The following IQGAP3 variants were observed in gnomAD, a reference collection of about 807,000 sequenced individuals.
The protein encoded by IQGAP3 is ras GTPase-activating-like protein IQGAP3.
A neutral mutation model predicts 208.2 loss-of-function variants in IQGAP3; 165 were observed. That is an observed-to-expected ratio of 0.79 (90% confidence interval 0.70 to 0.90). The LOEUF is 0.90. Among genes scored for constraint, IQGAP3 ranks in the 40% least tolerant of loss-of-function variants. IQGAP3 has a pLI of 0.00. For missense variants in IQGAP3, 1,811 were observed against 2,043.1 expected (o/e 0.89, Z 2.19); for synonymous variants, 703 against 803.6 (o/e 0.87, Z 2.12).
chr1:156,547,380 G>GACAC (rs1170677463), intron 19 of IQGAP3, among the ~76,000 whole-genome samples: 3 of 83,570 alleles, frequency 3.6e-5, no homozygotes, highest in Non-Finnish European at 7.1e-5. Context: ...CACAGACACA[G>GACAC]ACACACAGAC....
chr1:156,534,766 C>A, intron 28 of IQGAP3, 33 bp from the exon 29 acceptor site: 1 of 1,431,556 alleles, frequency 7.0e-7, no homozygotes, highest in Non-Finnish European at 9.3e-7. Flanking sequence ...CAGAAGTGTC[C>A]AGGGGCCGCC....
At chr1:156,538,695 C>T in intron 26 of IQGAP3, 114 bp downstream of exon 26, 1 of 793,386 alleles carries the variant, frequency 1.3e-6, no homozygotes, top group Non-Finnish European at 2.1e-6. Context: ...GATCAGCATG[C>T]CCATTTATAT....
At chr1:156,563,373 C>G in intron 7 of IQGAP3, 61 bp from the exon 8 acceptor site, 4 of 1,500,638 alleles carry the variant, frequency 2.7e-6, no homozygotes, top group Non-Finnish European at 3.6e-6. Context: ...TGGAGCGCAA[C>G]CAGTAGCAGC....
In IQGAP3 at chr1:156,544,454, T is replaced by C. The variant is rs564840911; in HGVS notation, c.2323A>G (p.Arg775Gly). The change falls in exon 20 of 38, where the codon AGG becomes GGG. Residue 775 changes from arginine (R) to glycine (G), a missense_variant. Physicochemically the swap from Arg to Gly is moderately radical, Grantham distance 125 (BLOSUM62 -2). Transcript: ENST00000361170. ...IKIQAHWRGYRQRKIYLEWLQ... is the reference protein window; with the variant it reads ...IKIQAHWRGYGQRKIYLEWLQ... ...CACTCCAGGTAAATCTTCCGCTGCC[T>C]ATAACCCCGCCAATGAGCCTGCACA... 4.1e-5 allele frequency: 66 copies of C among 1,614,018 alleles called. No homozygotes were observed. In the South Asian group the frequency reaches 4.8e-4, roughly 12 times the overall value.
At chr1:156,538,317 C>T (rs774255433) in intron 26 of IQGAP3, among the ~76,000 whole-genome samples, 96 of 152,356 alleles carry the variant, frequency 6.3e-4, no homozygotes, top group Non-Finnish European at 1.2e-3. Flanking sequence ...GCCTCGGTCT[C>T]CCAAAGTGCT....
chr1:156,563,716 C>T (rs1317735378), intron 6 of IQGAP3, 41 bp downstream of exon 6: 7 of 1,610,158 alleles, frequency 4.3e-6, no homozygotes, highest in Non-Finnish European at 5.9e-6. Flanking sequence ...CCCCCAAGAC[C>T]CTGCCCAGGC....
intron 3 of IQGAP3, 68 bp from the exon 4 acceptor site, chr1:156,566,172 C>T: frequency 1.4e-6 from 2 of 1,443,844 alleles, no homozygotes; most frequent in Admixed American, 1.7e-5. Flanking sequence ...AAAGCCCAGA[C>T]TACAGCTTAA....
Position 156,526,514 on chromosome 1 carries a change from A to C in IQGAP3, c.4868T>G (p.Leu1623Arg). Reference protein sequence around the residue: ...AKVNVNLLIFLLNKKFLRK With the variant: ...AKVNVNLLIFRLNKKFLRK ...CTTCCGCAAAAACTTCTTGTTGAGG[A>C]GGAAGATGAGAAGGTTGACATTGAC... The change falls in exon 38 of 38, where the codon CTC (leucine) becomes CGC (arginine). Residue 1623 changes from leucine to arginine, a missense_variant. Leu to Arg is a moderately radical substitution (Grantham distance 102). Coordinates refer to ENST00000361170, the MANE Select transcript of IQGAP3 (RefSeq NM_178229.5). 1.2e-6 allele frequency: 2 copies of C among 1,613,994 alleles called. No homozygotes were observed. The highest frequency in any genetic ancestry group is 1.7e-6 in the Non-Finnish European group (2 of 1,179,834).
At chr1:156,554,449 A>T in intron 12 of IQGAP3, 57 bp from the exon 13 acceptor site, 1 of 1,487,330 alleles carries the variant, frequency 6.7e-7, no homozygotes, top group Non-Finnish European at 9.0e-7. Context: ...CTAAAGGCCT[A>T]TTCACCATCC....
intron 37 of IQGAP3, among the ~76,000 whole-genome samples, chr1:156,526,948 T>C (rs1674098381): frequency 6.6e-6 from 1 of 152,006 alleles, no homozygotes; most frequent in South Asian, 2.1e-4. Context: ...TTTTCCTGCT[T>C]CAGCCTCCTG....
In IQGAP3 at chr1:156,537,310, T is replaced by A; in HGVS notation, c.3293A>T (p.Tyr1098Phe). The A allele has an allele frequency of 6.2e-7, 1 of 1,613,028 alleles. No individual in the cohort carries two copies. Among genetic ancestry groups the A allele is most frequent in the African/African-American group, 1.3e-5 (1 of 74,970 alleles). ...CAAGGCCTGCTCCGGGGTGACATCA[T>A]ATGGGAGATGGCTATGAGCAGAGAG... ...AQTGQRSHLP[Y>F]DVTPEQALSH... The change falls in exon 27 of 38, where the codon TAT becomes TTT. Residue 1098 changes from tyrosine (Y) to phenylalanine (F), a missense_variant. By Grantham distance (22) the Tyr-to-Phe change is conservative. Coordinates refer to ENST00000361170, the MANE Select transcript of IQGAP3 (RefSeq NM_178229.5).
Position 156,527,972 on chromosome 1 carries a change from G to A in IQGAP3, c.4762C>T (p.Arg1588Ter), listed in dbSNP as rs202051702. ...NAKFLGVDME[R>*]FQLHYQDLLQ... The stretch of plus-strand genomic sequence containing the variant: ...CTCACCTGATAGTGAAGCTGAAATC[G>A]CTCCATGTCCACACCCAGGAACTTG... The change falls in exon 37 of 38, where the codon CGA (arginine) becomes TGA (stop). Residue 1588 changes from arginine to a stop codon, truncating the protein, a stop_gained. Coordinates refer to ENST00000361170, the MANE Select transcript of IQGAP3 (RefSeq NM_178229.5). LOFTEE classifies it high-confidence loss of function. 1.4e-5 allele frequency: 22 copies of A among 1,612,890 alleles called. No individual in the cohort carries two copies. In the East Asian group the frequency reaches 2.2e-4, roughly 16 times the overall value.
At position 156,535,257 on chromosome 1, in the gene IQGAP3, A is replaced by C; in HGVS notation, c.3423-10T>G. 3 of 1,597,538 alleles carry C rather than the reference A, an allele frequency of 1.9e-6. No individual in the cohort carries two copies. Among genetic ancestry groups the C allele is most frequent in the Non-Finnish European group, 2.6e-6 (3 of 1,167,056 alleles). On this transcript the variant is annotated splice_polypyrimidine_tract_variant and intron_variant, in intron 27 of 37. Coordinates refer to ENST00000361170, the MANE Select transcript of IQGAP3 (RefSeq NM_178229.5). ...ATATCGCATCCCATACCTGGGGACA[A>C]AGAAACAGGTGCGCGTGGCTGTGCC...
rs1252413492 is a variant in IQGAP3 at position 156,537,329 on chromosome 1, C to A, written c.3282-8G>T. The A allele has an allele frequency of 6.8e-6, 11 of 1,607,792 alleles. No homozygotes were observed. Among genetic ancestry groups the A allele is most frequent in the African/African-American group, 1.3e-5 (1 of 74,704 alleles). ...ACATCATATGGGAGATGGCTATGAG[C>A]AGAGAGAGACAAGGTGTAAGCAGGA... is the stretch of plus-strand genomic sequence containing the variant. On this transcript the variant is annotated splice_polypyrimidine_tract_variant and splice_region_variant and intron_variant, in intron 26 of 37. Transcript: ENST00000361170.
intron 7 of IQGAP3, 26 bp downstream of exon 7, chr1:156,563,527 C>T (rs1272939953): frequency 6.3e-7 from 1 of 1,582,714 alleles, no homozygotes; most frequent in Non-Finnish European, 8.7e-7. Context: ...GAGCCTACTC[C>T]TGGCAGGGCA....
At position 156,560,244 on chromosome 1, in the gene IQGAP3, C is replaced by T. The variant is rs190962871; in HGVS notation, c.1129+690G>A. Among the ~76,000 whole-genome samples, 47 of 151,932 alleles carry T rather than the reference C, an allele frequency of 3.1e-4. 1 individual carries two copies. The highest frequency in any genetic ancestry group is 3.3e-4 in the Admixed American group (5 of 15,278). On this transcript the variant is annotated intron_variant, in intron 11 of 37. Coordinates refer to ENST00000361170, the MANE Select transcript of IQGAP3 (RefSeq NM_178229.5). ...TTATATTTGTGGCCGGTCACAGTGA[C>T]TCATACCTGTAATCCCCAGCACTTT...
intron 1 of IQGAP3, among the ~76,000 whole-genome samples, chr1:156,570,616 C>T (rs760223892): frequency 3.8e-4 from 58 of 152,222 alleles, no homozygotes; most frequent in Non-Finnish European, 7.3e-4. Flanking sequence ...GATCTTCCCA[C>T]CTCAGCCCCC....
chr1:156,561,264 G>A lies in IQGAP3; in HGVS notation c.1042-243C>T, dbSNP rs571339489. ...GCTCACGGCAACCTCTGCCTCCCGG[G>A]TTCAAGCGATTCTCTGCCGAAGCCT... On this transcript the variant is annotated intron_variant, in intron 10 of 37. Transcript: ENST00000361170. Among the ~76,000 whole-genome samples the A allele has an allele frequency of 3.9e-5, 6 of 152,144 alleles. No homozygotes were observed. The South Asian group carries it at 1.0e-3, about 26-fold the overall frequency.
rs942374211 is a variant in IQGAP3, at chr1:156,551,689, C to T, written c.1734+16G>A. ...CTTCCTGCTCTGATGACCAACCCAA[C>T]CAGCCCTAACTTCACCTGGGCCTTC... On this transcript the variant is annotated intron_variant, in intron 15 of 37. Coordinates refer to ENST00000361170, the MANE Select transcript of IQGAP3 (RefSeq NM_178229.5). 5 of 1,600,338 alleles carry T rather than the reference C, an allele frequency of 3.1e-6. No homozygotes were observed. Among genetic ancestry groups the T allele is most frequent in the Admixed American group, 1.7e-5 (1 of 58,752 alleles).
Sources: gnomAD v4.1 joint callset for allele counts (sites outside exome capture counted in the v4.1 genomes callset) on GRCh38, gnomAD v4.1.1 for gene constraint, MANE v1.5 for transcripts, NCBI Gene and HGNC (gene_info 2026-07-23, HGNC 2026-07-21) for gene names.